PPARGC1A: variants seen among roughly 807,000 people sequenced by gnomAD.
The protein encoded by PPARGC1A is peroxisome proliferator-activated receptor gamma coactivator 1-alpha.
A neutral mutation model predicts 88.7 loss-of-function variants in PPARGC1A; 25 were observed. That is an observed-to-expected ratio of 0.28 (90% CI 0.21 to 0.39). The LOEUF is 0.39. PPARGC1A is among the 10% of genes least tolerant of loss of function. The probability of loss-of-function intolerance (pLI) is 1.00; values close to 1 mark genes in which losing one functional copy is unlikely to be tolerated. For synonymous variants in PPARGC1A, 363 were observed against 355.6 expected (o/e 1.02, Z -0.24); for missense variants, 880 against 968.7 (o/e 0.91, Z 1.22).
the PPARGC1A span, among the ~76,000 whole-genome samples, chr4:24,395,181 C>T: frequency 5.3e-5 from 8 of 151,594 alleles, no homozygotes; most frequent in Non-Finnish European, 1.2e-4. Context: ...ATGTAAAAAC[C>T]CTCCCAAAGG....
the PPARGC1A span, among the ~76,000 whole-genome samples, chr4:24,387,016 C>A: frequency 6.6e-6 from 1 of 152,286 alleles, no homozygotes; most frequent in East Asian, 1.9e-4. Flanking sequence ...GTAACCAAAA[C>A]AGCATGGTAC....
chr4:24,452,136 C>T, the PPARGC1A span, among the ~76,000 whole-genome samples: 1 of 151,636 alleles, frequency 6.6e-6, no homozygotes, highest in African/African-American at 2.4e-5. Context: ...CAAACTGAAA[C>T]TCTCCCCTGG....
At chr4:23,881,761 G>C (rs980298446) in intron 2 of PPARGC1A, 1 of 152,158 alleles carries the variant, frequency 6.6e-6, no homozygotes, top group Non-Finnish European at 1.5e-5. Context: ...AGCAGAGCCC[G>C]TGACTGTTTA....
intron 2 of PPARGC1A, among the ~76,000 whole-genome samples, chr4:23,863,441 A>G (rs187333977): frequency 2.6e-5 from 4 of 152,248 alleles, no homozygotes; most frequent in East Asian, 1.9e-4. Context: ...TGAGCATGCT[A>G]GATGAAATCT....
At position 23,844,742 on chromosome 4, in the gene PPARGC1A, C is replaced by CATAATATATGATATATA. The variant is rs1727874767; in HGVS notation, c.235-13008_235-12992dup. Among the ~76,000 whole-genome samples, 90 of 23,716 alleles carry CATAATATATGATATATA rather than the reference C, an allele frequency of 3.8e-3. 1 individual carries two copies. Among genetic ancestry groups the CATAATATATGATATATA allele is most frequent in the African/African-American group, 0.012 (83 of 7,210 alleles). The allele number at this position is 23,716 out of a possible 152,430, so 15.6% of individuals were successfully genotyped here. A position where few individuals can be genotyped will look rare whatever the true frequency, so the allele number is the denominator to read the frequency against. On this transcript the variant is annotated intron_variant, in intron 2 of 12. Coordinates refer to ENST00000264867, the MANE Select transcript of PPARGC1A (RefSeq NM_013261.5). ...TATATTATTATAATATATGATATAT[C>CATAATATATGATATATA]ATAATATATGATATATATTATAATA...
the PPARGC1A span, among the ~76,000 whole-genome samples, chr4:24,047,183 G>A: frequency 5.3e-5 from 8 of 152,226 alleles, no homozygotes; most frequent in East Asian, 1.2e-3. Context: ...CTTTGGTCCC[G>A]TCAGAGTGAT....
the PPARGC1A span, among the ~76,000 whole-genome samples, chr4:24,068,120 C>G: frequency 6.6e-6 from 1 of 152,154 alleles, no homozygotes; most frequent in Non-Finnish European, 1.5e-5. Flanking sequence ...AATAAGAACT[C>G]TTTTGTCTCA....
At chr4:24,095,422 C>A in the PPARGC1A span, among the ~76,000 whole-genome samples, 2 of 151,998 alleles carry the variant, frequency 1.3e-5, no homozygotes, top group Non-Finnish European at 2.9e-5. Context: ...CCACACCCGG[C>A]CAGAGATAGA....
chr4:24,052,854 ATTTT>A, the PPARGC1A span, among the ~76,000 whole-genome samples: 130 of 65,782 alleles, frequency 2.0e-3, no homozygotes, highest in African/African-American at 8.1e-3. Flanking sequence ...GCGTACGCAG[ATTTT>A]TTTTTTTTTT....
chr4:23,840,081 A>G (rs573017115), intron 2 of PPARGC1A, among the ~76,000 whole-genome samples: 9 of 152,172 alleles, frequency 5.9e-5, no homozygotes, highest in Non-Finnish European at 8.8e-5. Context: ...TCCTGATGCA[A>G]CCTAAGTCAT....
At chr4:24,050,194 C>CTTTTTTTTTTTTTTT in the PPARGC1A span, among the ~76,000 whole-genome samples, 7 of 127,808 alleles carry the variant, frequency 5.5e-5, 3 homozygotes, top group African/African-American at 5.8e-5. Context: ...CTTAGGTGAC[C>CTTTTTTTTTTTTTTT]TTTTGTTTTT....
At chr4:24,009,368 T>G in the PPARGC1A span, among the ~76,000 whole-genome samples, 8 of 152,156 alleles carry the variant, frequency 5.3e-5, no homozygotes, top group East Asian at 1.5e-3. Context: ...AAATAGGGTC[T>G]GATTTTATTC....
At chr4:24,243,276 A>G in the PPARGC1A span, among the ~76,000 whole-genome samples, 220 of 152,278 alleles carry the variant, frequency 1.4e-3, no homozygotes, top group Non-Finnish European at 2.5e-3. Context: ...CACAAAGTGG[A>G]TCCTCATCAT....
the PPARGC1A span, among the ~76,000 whole-genome samples, chr4:24,193,514 A>G: frequency 6.6e-6 from 1 of 152,110 alleles, no homozygotes; most frequent in African/African-American, 2.4e-5. Flanking sequence ...CCTAATTGCA[A>G]GCTACCCAAG....
At chr4:24,099,168 A>AT in the PPARGC1A span, among the ~76,000 whole-genome samples, 9,145 of 152,016 alleles carry the variant, frequency 0.06, 803 homozygotes, top group African/African-American at 0.19. Context: ...GAAATAATCA[A>AT]AAACTAATGA....
chr4:24,182,485 T>C, the PPARGC1A span, among the ~76,000 whole-genome samples: 1 of 152,222 alleles, frequency 6.6e-6, no homozygotes, highest in East Asian at 1.9e-4. Flanking sequence ...TCTAGTAGAA[T>C]GATTTATAAT....
the PPARGC1A span, among the ~76,000 whole-genome samples, chr4:23,952,985 T>A: frequency 6.6e-6 from 1 of 152,048 alleles, no homozygotes; most frequent in Admixed American, 6.6e-5. Flanking sequence ...ACTACTATAA[T>A]GCATTACAAC....
the PPARGC1A span, among the ~76,000 whole-genome samples, chr4:24,140,092 C>T: frequency 5.3e-5 from 8 of 152,242 alleles, no homozygotes; most frequent in African/African-American, 1.4e-4. Flanking sequence ...GTTGCTCGGT[C>T]GAGAGCCAAA....
At chr4:24,083,973 A>G in the PPARGC1A span, among the ~76,000 whole-genome samples, 11 of 152,224 alleles carry the variant, frequency 7.2e-5, no homozygotes, top group African/African-American at 2.7e-4. Context: ...CAGCCCTATG[A>G]GATAGATTAC....
Sources: allele counts gnomAD v4.1 joint callset (sites outside exome capture counted in the v4.1 genomes callset), GRCh38; gene constraint gnomAD v4.1.1; transcripts MANE v1.5; gene names NCBI Gene and HGNC (gene_info 2026-07-23, HGNC 2026-07-21).